The following GPHN variants were observed in gnomAD, a reference collection of about 807,000 sequenced individuals.
GPHN encodes gephyrin.
In GPHN, 17 loss-of-function variants were observed where a neutral mutation model predicts 95.5. The ratio of observed to expected loss-of-function variants is 0.18; its 90% confidence interval spans 0.12 to 0.27. The LOEUF (loss-of-function observed/expected upper bound fraction) is 0.27. Ranked by LOEUF, GPHN falls within the 10% of genes least tolerant of loss-of-function variation. The pLI is 1.00. For missense variants in GPHN, 660 were observed against 978.1 expected, an observed-to-expected ratio of 0.67 and a Z score of 4.34; for synonymous variants, 320 against 322.5, an observed-to-expected ratio of 0.99 and a Z score of 0.08.
chr14:66,842,357 C>T (rs998702982), intron 4 of GPHN, among the ~76,000 whole-genome samples: 5 of 148,646 alleles, frequency 3.4e-5, no homozygotes, highest in African/African-American at 1.2e-4. Flanking sequence ...AATTAGAAAC[C>T]CGACCTACAC....
the GPHN span, among the ~76,000 whole-genome samples, chr14:67,481,782 C>T: frequency 0.21 from 31,415 of 152,064 alleles, 4,219 homozygotes; most frequent in African/African-American, 0.36. Flanking sequence ...GCTCCTTCCA[C>T]TAGCTCCTTG....
chr14:66,511,807 GATA>G (rs1278501014), intron 1 of GPHN, among the ~76,000 whole-genome samples: 1 of 151,902 alleles, frequency 6.6e-6, no homozygotes, highest in Non-Finnish European at 1.5e-5. Context: ...ATGAGATTAT[GATA>G]ATTAATGTAA....
chr14:67,657,985 G>A, the GPHN span, among the ~76,000 whole-genome samples: 1 of 152,018 alleles, frequency 6.6e-6, no homozygotes, highest in African/African-American at 2.4e-5. Context: ...CTGACCTCAG[G>A]TGATCCACCA....
At chr14:67,168,565 G>A (rs959395169) in intron 20 of GPHN, among the ~76,000 whole-genome samples, 1 of 151,936 alleles carries the variant, frequency 6.6e-6, no homozygotes, top group Non-Finnish European at 1.5e-5. Flanking sequence ...ATTTTTAAAT[G>A]CTTAAAAAAT....
intron 4 of GPHN, among the ~76,000 whole-genome samples, chr14:66,852,726 A>G (rs959572634): frequency 3.3e-5 from 5 of 152,228 alleles, no homozygotes; most frequent in Non-Finnish European, 7.3e-5. Flanking sequence ...AATGCCAGCA[A>G]TTAGCTTTTG....
At chr14:66,895,866 T>TA (rs1289475949) in intron 5 of GPHN, among the ~76,000 whole-genome samples, 3 of 152,208 alleles carry the variant, frequency 2.0e-5, no homozygotes, top group Non-Finnish European at 2.9e-5. Context: ...AAATCTTTTT[T>TA]AAAAAATTGA....
intron 2 of GPHN, among the ~76,000 whole-genome samples, chr14:66,759,137 A>G (rs1292520001): frequency 6.6e-6 from 1 of 152,224 alleles, no homozygotes; most frequent in East Asian, 1.9e-4. Context: ...CTGTTCCACA[A>G]GGAATCTCAG....
At chr14:67,725,244 C>A in the GPHN span, 1 of 1,613,264 alleles carries the variant, frequency 6.2e-7, no homozygotes, top group Non-Finnish European at 8.5e-7. Context: ...TTGCTGAGGG[C>A]TTTCTGGCAG....
rs545856796 is a variant in GPHN at position 66,527,410 on chromosome 14, A to AC, written c.64+18819_64+18820insC. Among the ~76,000 whole-genome samples the AC allele has an allele frequency of 3.0e-3, 460 of 151,666 alleles. 2 individuals carry two copies. Among genetic ancestry groups the AC allele is most frequent in the African/African-American group, 0.011 (437 of 41,422 alleles). Reference sequence around the variant, plus strand: ...TTTTGTTGATCTTTTCAAAAAAAAAAAAACAGCTCCTGGATTCATTAATTT... The same window carrying AC: ...TTTTGTTGATCTTTTCAAAAAAAAAACAAACAGCTCCTGGATTCATTAATTT... On this transcript the variant is annotated intron_variant, in intron 1 of 22. Transcript: ENST00000478722.
chr14:66,735,561 A>G (rs1356591099), intron 2 of GPHN, among the ~76,000 whole-genome samples: 1 of 152,164 alleles, frequency 6.6e-6, no homozygotes, highest in African/African-American at 2.4e-5. Flanking sequence ...TAGGATATAA[A>G]ACTTAAGTTG....
chr14:67,223,730 T>G, the GPHN span: 1 of 983,274 alleles, frequency 1.0e-6, no homozygotes, highest in Non-Finnish European at 1.2e-6. Flanking sequence ...TCTCCCATGT[T>G]TTCCCACTTT....
intron 3 of GPHN, among the ~76,000 whole-genome samples, chr14:66,782,952 G>A (rs1274619037): frequency 6.6e-6 from 1 of 152,206 alleles, no homozygotes; most frequent in East Asian, 1.9e-4. Context: ...TGACATGGCA[G>A]TGAGTTACTT....
At chr14:67,239,778 C>T in the GPHN span, among the ~76,000 whole-genome samples, 3 of 152,296 alleles carry the variant, frequency 2.0e-5, no homozygotes, top group East Asian at 5.8e-4. Flanking sequence ...ATCGCTTGAA[C>T]CCGGGGAGCG....
At chr14:66,750,762 C>T (rs976658415) in intron 2 of GPHN, among the ~76,000 whole-genome samples, 1 of 151,820 alleles carries the variant, frequency 6.6e-6, no homozygotes, top group Non-Finnish European at 1.5e-5. Context: ...TTGATTAAAC[C>T]GGTTCTAAGA....
intron 2 of GPHN, among the ~76,000 whole-genome samples, chr14:66,703,824 T>C (rs1309011882): frequency 6.6e-6 from 1 of 152,000 alleles, no homozygotes; most frequent in Non-Finnish European, 1.5e-5. Context: ...AATGCCCCAA[T>C]TAAAAACACA....
chr14:67,204,264 T>C, the GPHN span, among the ~76,000 whole-genome samples: 2 of 152,028 alleles, frequency 1.3e-5, no homozygotes, highest in African/African-American at 2.4e-5. Flanking sequence ...TGGTGAAACC[T>C]TGTCTCTACA....
In GPHN at chr14:66,665,999, G is replaced by T. The variant is rs368203920; in HGVS notation, c.65-15108G>T. 4.6e-5 allele frequency among the ~76,000 whole-genome samples: 7 copies of T among 151,300 alleles called. No homozygotes were observed. The East Asian group carries it at 1.4e-3, about 29-fold the overall frequency. ...CATCATTCTCAGTAAACTATCGCAAGGACAAAAAACCAAACACCGCATGTT... is the reference window on the plus strand; with the variant it reads ...CATCATTCTCAGTAAACTATCGCAATGACAAAAAACCAAACACCGCATGTT... On this transcript the variant is annotated intron_variant, in intron 1 of 22. Coordinates refer to ENST00000478722, the MANE Select transcript of GPHN (RefSeq NM_020806.5).
At chr14:66,765,042 A>G (rs572784052) in intron 2 of GPHN, among the ~76,000 whole-genome samples, 156 of 152,358 alleles carry the variant, frequency 1.0e-3, no homozygotes, top group African/African-American at 3.4e-3. Context: ...ATGTGATGTC[A>G]GAACCACTGT....
the GPHN span, among the ~76,000 whole-genome samples, chr14:67,484,326 C>G: frequency 1.2e-3 from 185 of 152,242 alleles, no homozygotes; most frequent in African/African-American, 4.2e-3. Flanking sequence ...ATGAGTGGGC[C>G]CAAACAGGCC....
Sources: gnomAD v4.1 joint callset for allele counts (sites outside exome capture counted in the v4.1 genomes callset) on GRCh38, gnomAD v4.1.1 for gene constraint, MANE v1.5 for transcripts, NCBI Gene and HGNC (gene_info 2026-07-23, HGNC 2026-07-21) for gene names.